The following SPAG16 variants were observed in gnomAD, a reference collection of about 807,000 sequenced individuals.
SPAG16 encodes sperm-associated antigen 16 protein.
Under a neutral mutation model 80.4 loss-of-function variants are expected in SPAG16, and 86 were observed. The ratio of observed to expected loss-of-function variants is 1.07; its 90% CI spans 0.90 to 1.28. SPAG16 has a LOEUF of 1.28. SPAG16 is among the 50% of genes most tolerant of loss of function. The probability of loss-of-function intolerance (pLI) is 0.00; values close to 1 mark genes in which losing one functional copy is unlikely to be tolerated. For synonymous variants in SPAG16, 294 were observed against 265.9 expected (o/e 1.11, Z -1.03); for missense variants, 870 against 765.3 (o/e 1.14, Z -1.61).
chr2:214,327,496 A>G (rs1696575126), intron 15 of SPAG16, among the ~76,000 whole-genome samples: 2 of 152,242 alleles, frequency 1.3e-5, no homozygotes, highest in Admixed American at 1.3e-4. Flanking sequence ...CTATCTAGCA[A>G]CAAGCACACA....
chr2:213,368,100 A>T (rs2066416399), intron 8 of SPAG16, among the ~76,000 whole-genome samples: 4 of 151,524 alleles, frequency 2.6e-5, no homozygotes, highest in Non-Finnish European at 5.9e-5. Context: ...ATAGTTGTAG[A>T]TGTGTGGCAT....
chr2:213,863,172 T>C (rs1230020628), intron 11 of SPAG16, among the ~76,000 whole-genome samples: 6 of 149,330 alleles, frequency 4.0e-5, no homozygotes, highest in Non-Finnish European at 7.4e-5. Context: ...AGAAGGGAGA[T>C]CATTCTTAAA....
chr2:213,930,213 T>TA, intron 12 of SPAG16, 68 bp downstream of exon 12: 1 of 1,263,926 alleles, frequency 7.9e-7, no homozygotes, highest in South Asian at 1.9e-5. Context: ...GTGGTAAAGT[T>TA]CTTTTTTTTT....
chr2:214,040,319 T>C (rs765500866), intron 13 of SPAG16, among the ~76,000 whole-genome samples: 4 of 152,142 alleles, frequency 2.6e-5, no homozygotes, highest in Non-Finnish European at 5.9e-5. Flanking sequence ...TTATTTTAAG[T>C]TCAGGGGTGT....
At position 214,321,500 on chromosome 2, in the gene SPAG16, A is replaced by G. The variant is rs1309611657; in HGVS notation, c.1721-88640A>G. On this transcript the variant is annotated intron_variant, in intron 15 of 15. Coordinates refer to ENST00000331683, the MANE Select transcript of SPAG16 (RefSeq NM_024532.5). ...AGTGTGCGTTCAACCTACACAGTTG[A>G]AGGCAGTGGCTCTGGTTCTGCCCTA... 2.0e-5 allele frequency among the ~76,000 whole-genome samples: 3 copies of G among 152,334 alleles called. No homozygotes were observed. The East Asian group carries it at 5.8e-4, about 29-fold the overall frequency.
At chr2:213,284,651 G>T in intron 1 of SPAG16, 32 bp downstream of exon 1, 1 of 1,595,360 alleles carries the variant, frequency 6.3e-7, no homozygotes, top group Non-Finnish European at 8.5e-7. Context: ...GGCCCGCTGC[G>T]CTGGCGGGTA....
chr2:213,285,981 T>C (rs1227246887), intron 1 of SPAG16: 1 of 1,148,084 alleles, frequency 8.7e-7, no homozygotes, highest in African/African-American at 1.6e-5. Context: ...ATAGTTTAAT[T>C]GTTAACATGA....
At chr2:213,650,850 C>A (rs1338631247) in intron 10 of SPAG16, among the ~76,000 whole-genome samples, 1 of 152,130 alleles carries the variant, frequency 6.6e-6, no homozygotes, top group African/African-American at 2.4e-5. Flanking sequence ...GCCTATATGT[C>A]CCCATCCTAA....
intron 12 of SPAG16, among the ~76,000 whole-genome samples, chr2:214,012,973 A>G (rs914775663): frequency 6.6e-6 from 1 of 152,174 alleles, no homozygotes; most frequent in Non-Finnish European, 1.5e-5. Flanking sequence ...ATGACGCCTG[A>G]GAATTTGCAT....
intron 15 of SPAG16, among the ~76,000 whole-genome samples, chr2:214,183,006 G>A (rs542789523): frequency 3.3e-5 from 5 of 152,082 alleles, no homozygotes; most frequent in African/African-American, 1.2e-4. Context: ...ACAAATACTT[G>A]TTAGAGGAAT....
At chr2:214,203,998 G>A (rs946342460) in intron 15 of SPAG16, among the ~76,000 whole-genome samples, 1 of 152,190 alleles carries the variant, frequency 6.6e-6, no homozygotes, top group African/African-American at 2.4e-5. Context: ...GGGGCACAGT[G>A]GGAGTGAGAC....
chr2:213,572,001 C>G (rs1198815478), intron 10 of SPAG16, among the ~76,000 whole-genome samples: 2 of 126,718 alleles, frequency 1.6e-5, no homozygotes, highest in African/African-American at 7.5e-5. Flanking sequence ...TCTTCCATTG[C>G]TGATACCCTT....
intron 9 of SPAG16, among the ~76,000 whole-genome samples, chr2:213,475,122 C>T (rs1239870712): frequency 2.0e-5 from 3 of 152,116 alleles, no homozygotes; most frequent in Non-Finnish European, 4.4e-5. Flanking sequence ...CAGCGGTAGT[C>T]AGGATTCGAT....
rs1019174344 is a variant in SPAG16 at position 214,298,007 on chromosome 2, A to G, written c.1721-112133A>G. Among the ~76,000 whole-genome samples the G allele has an allele frequency of 4.0e-5, 6 of 150,048 alleles. No individual in the cohort carries two copies. In the East Asian group the frequency reaches 5.9e-4, roughly 15 times the overall value. Reference sequence around the variant, plus strand: ...TTTCTATTTGTTTGTGTCATCTGCAATTTCTTTAATCAGTATTTTATAGTT... The same window carrying G: ...TTTCTATTTGTTTGTGTCATCTGCAGTTTCTTTAATCAGTATTTTATAGTT... On this transcript the variant is annotated intron_variant, in intron 15 of 15. Transcript: ENST00000331683.
chr2:214,180,804 G>T (rs1032257169), intron 15 of SPAG16, among the ~76,000 whole-genome samples: 1 of 151,544 alleles, frequency 6.6e-6, no homozygotes, highest in Non-Finnish European at 1.5e-5. Flanking sequence ...GAATATTTTC[G>T]GAATAATTAA....
At chr2:213,976,187 C>T (rs115182741) in intron 12 of SPAG16, among the ~76,000 whole-genome samples, 4,247 of 142,892 alleles carry the variant, frequency 0.03, 213 homozygotes, top group African/African-American at 0.1. Flanking sequence ...CATGTATGTG[C>T]GTATGTGTAT....
At chr2:214,138,916 C>T (rs1229277497) in intron 14 of SPAG16, among the ~76,000 whole-genome samples, 6 of 152,036 alleles carry the variant, frequency 3.9e-5, no homozygotes, top group Non-Finnish European at 1.5e-5. Context: ...AAATGAGAGG[C>T]AGTTCTTCAA....
intron 9 of SPAG16, among the ~76,000 whole-genome samples, chr2:213,392,998 TAAGTAGAA>T (rs1329175885): frequency 6.6e-6 from 1 of 152,176 alleles, no homozygotes; most frequent in Non-Finnish European, 1.5e-5. Context: ...AATTCTGTGC[TAAGTAGAA>T]AATCAAATAA....
At chr2:213,600,215 C>G (rs1559296692) in intron 10 of SPAG16, among the ~76,000 whole-genome samples, 1 of 152,128 alleles carries the variant, frequency 6.6e-6, no homozygotes, top group Admixed American at 6.5e-5. Flanking sequence ...TCCAACTCTC[C>G]ATTTCAAGCA....
Sources: gnomAD v4.1 joint callset for allele counts (sites outside exome capture counted in the v4.1 genomes callset) on GRCh38, gnomAD v4.1.1 for gene constraint, MANE v1.5 for transcripts, NCBI Gene and HGNC (gene_info 2026-07-23, HGNC 2026-07-21) for gene names.